Variants in PLA2G4A observed in about 807,000 individuals in gnomAD.
PLA2G4A encodes the protein cytosolic phospholipase A2.
In PLA2G4A, 40 loss-of-function variants were observed where a neutral mutation model predicts 81.9. The ratio of observed to expected loss-of-function variants is 0.49; its 90% CI spans 0.38 to 0.64. The LOEUF is 0.64. Among genes scored for constraint, PLA2G4A ranks in the 30% least tolerant of loss-of-function variants. The pLI is 0.00. For synonymous variants in PLA2G4A, 302 were observed against 296.9 expected, an observed-to-expected ratio of 1.02 and a Z score of -0.18; for missense variants, 715 against 905.1, an observed-to-expected ratio of 0.79 and a Z score of 2.69.
intron 2 of PLA2G4A, among the ~76,000 whole-genome samples, chr1:186,861,254 G>T (rs1652786825): frequency 6.6e-6 from 1 of 152,150 alleles, no homozygotes; most frequent in African/African-American, 2.4e-5. Context: ...AGTCTATGGA[G>T]ATTTTACTTT....
In PLA2G4A at chr1:186,977,604, T is replaced by C; in HGVS notation, c.1776T>C (p.Leu592=). The C allele has an allele frequency of 1.9e-6, 3 of 1,611,628 alleles. No homozygotes were observed. Among genetic ancestry groups the C allele is most frequent in the Non-Finnish European group, 2.5e-6 (3 of 1,177,732 alleles). Residue 592 remains leucine, a synonymous_variant, in exon 16 of 18, where the codon CTT becomes CTC. Coordinates refer to ENST00000367466, the MANE Select transcript of PLA2G4A (RefSeq NM_024420.3). ...CATCTTTCCCATAGGAACTTCTACT[T>C]GCAGAAAAGTGGGCTAAAATGAACA... ...DSSPPFKELL[L]AEKWAKMNKL...
At chr1:186,982,288 C>T (rs939887904) in intron 17 of PLA2G4A, among the ~76,000 whole-genome samples, 2 of 152,170 alleles carry the variant, frequency 1.3e-5, no homozygotes, top group African/African-American at 2.4e-5. Context: ...AGGTCATGGG[C>T]GTTATATCAT....
chr1:186,938,992 T>G lies in PLA2G4A; in HGVS notation c.696-16T>G. ...TGCTCTTTATCTTTACTGATTGTGT[T>G]TTGTTTTCTGTATAGGTATATGTCA... On this transcript the variant is annotated splice_polypyrimidine_tract_variant and intron_variant, in intron 8 of 17. Transcript: ENST00000367466. The G allele has an allele frequency of 7.7e-7, 1 of 1,306,818 alleles. No homozygotes were observed. The highest frequency in any genetic ancestry group is 1.1e-6 in the Non-Finnish European group (1 of 900,050). The allele number at this position is 1,306,818 out of a possible 1,614,324, so 81.0% of individuals were successfully genotyped here. A position where few individuals can be genotyped will look rare whatever the true frequency, so the allele number is the denominator to read the frequency against.
intron 8 of PLA2G4A, among the ~76,000 whole-genome samples, chr1:186,938,420 C>A (rs1656029792): frequency 1.3e-5 from 2 of 152,054 alleles, no homozygotes; most frequent in African/African-American, 4.8e-5. Context: ...GACTTTATTT[C>A]TCTTTAGGAT....
chr1:186,898,081 C>A (rs1166940649), intron 5 of PLA2G4A, among the ~76,000 whole-genome samples: 1 of 151,974 alleles, frequency 6.6e-6, no homozygotes, highest in Non-Finnish European at 1.5e-5. Context: ...GCCTTCTTCA[C>A]CCAAAAGCTT....
At chr1:186,958,941 G>A (rs1656850800) in intron 14 of PLA2G4A, among the ~76,000 whole-genome samples, 2 of 152,094 alleles carry the variant, frequency 1.3e-5, no homozygotes, top group African/African-American at 4.8e-5. Flanking sequence ...GCAGCATTTA[G>A]GATGTACACT....
At chr1:186,935,093 TA>T (rs551277648) in intron 8 of PLA2G4A, among the ~76,000 whole-genome samples, 75 of 151,950 alleles carry the variant, frequency 4.9e-4, no homozygotes, top group African/African-American at 1.7e-3. Context: ...GAGAATCAAG[TA>T]AAAGATGGTA....
chr1:186,855,707 T>G (rs2223305), intron 2 of PLA2G4A, among the ~76,000 whole-genome samples: 1 of 151,832 alleles, frequency 6.6e-6, no homozygotes, highest in African/African-American at 2.4e-5. Context: ...TTACATTGCC[T>G]TGTGGTTTTT....
At position 186,988,891 on chromosome 1, in the gene PLA2G4A, C is replaced by A. The variant is rs887575512; in HGVS notation, c.*383C>A. ...ATTATGTATGAATGTTATTCACTGA[C>A]TAGATTTATTCATACCATGAGACAA... is the stretch of plus-strand genomic sequence containing the variant. On this transcript the variant is annotated 3_prime_UTR_variant, in exon 18 of 18. Coordinates refer to ENST00000367466, the MANE Select transcript of PLA2G4A (RefSeq NM_024420.3). 3 of 174,602 alleles carry A rather than the reference C, an allele frequency of 1.7e-5. No individual in the cohort carries two copies. Among genetic ancestry groups the A allele is most frequent in the African/African-American group, 4.8e-5 (2 of 41,798 alleles). 10.8% of individuals were successfully genotyped at this position (174,602 alleles called of 1,614,324 possible).
intron 7 of PLA2G4A, among the ~76,000 whole-genome samples, chr1:186,917,720 C>T (rs1005181360): frequency 1.3e-5 from 2 of 152,150 alleles, no homozygotes; most frequent in African/African-American, 4.8e-5. Context: ...GGATAAGCCT[C>T]CACCCACCCA....
At chr1:186,903,693 C>T (rs1237405301) in intron 5 of PLA2G4A, among the ~76,000 whole-genome samples, 1 of 152,164 alleles carries the variant, frequency 6.6e-6, no homozygotes, top group Admixed American at 6.5e-5. Flanking sequence ...GTCACTGTCC[C>T]CCTTCACCCC....
intron 3 of PLA2G4A, among the ~76,000 whole-genome samples, chr1:186,872,261 G>C (rs1653300443): frequency 6.6e-6 from 1 of 151,826 alleles, no homozygotes; most frequent in Non-Finnish European, 1.5e-5. Context: ...CATTTTAAAT[G>C]AGAATTTACT....
At chr1:186,938,677 T>G (rs1417632830) in intron 8 of PLA2G4A, among the ~76,000 whole-genome samples, 3 of 152,134 alleles carry the variant, frequency 2.0e-5, no homozygotes, top group Admixed American at 6.6e-5. Flanking sequence ...TCAGATGTGC[T>G]CTGTCATCAA....
At chr1:186,897,000 C>T (rs1203380294) in intron 5 of PLA2G4A, among the ~76,000 whole-genome samples, 1 of 151,968 alleles carries the variant, frequency 6.6e-6, no homozygotes, top group African/African-American at 2.4e-5. Flanking sequence ...ACAGTGTTTA[C>T]AGAGGTTGTA....
chr1:186,925,528 CTT>C (rs1309051297), intron 7 of PLA2G4A, among the ~76,000 whole-genome samples: 1 of 152,186 alleles, frequency 6.6e-6, no homozygotes, highest in Non-Finnish European at 1.5e-5. Context: ...TCTACAGAAT[CTT>C]TCCCCGGTTG....
At chr1:186,841,639 C>T (rs1651984657) in intron 1 of PLA2G4A, among the ~76,000 whole-genome samples, 1 of 152,074 alleles carries the variant, frequency 6.6e-6, no homozygotes, top group Non-Finnish European at 1.5e-5. Flanking sequence ...TCCAAAATTT[C>T]TTGACCTTAA....
chr1:186,915,111 C>T (rs1245722788), intron 7 of PLA2G4A, among the ~76,000 whole-genome samples: 1 of 152,084 alleles, frequency 6.6e-6, no homozygotes, highest in Non-Finnish European at 1.5e-5. Context: ...AACATGGCCC[C>T]AGGATCAAAT....
At position 186,873,342 on chromosome 1, in the gene PLA2G4A, T is replaced by C. The variant is rs766868375; in HGVS notation, c.115+2826T>C. On this transcript the variant is annotated intron_variant, in intron 3 of 17. Transcript: ENST00000367466. ...TTTGTATATAGCAGTTCTTTAAACA[T>C]AGACAAGAATAGAACTATAAGAACT... Among the ~76,000 whole-genome samples, 67 of 152,050 alleles carry C rather than the reference T, an allele frequency of 4.4e-4. 1 individual carries two copies. Among genetic ancestry groups the C allele is most frequent in the South Asian group, 6.2e-4 (3 of 4,836 alleles).
intron 8 of PLA2G4A, 34 bp from the exon 9 acceptor site, chr1:186,938,974 T>G (rs758119169): frequency 1.8e-6 from 2 of 1,096,416 alleles, no homozygotes; most frequent in Non-Finnish European, 2.8e-6. Flanking sequence ...TAATGCTCTT[T>G]ATCTTTACTG....
Sources: gnomAD v4.1 joint callset for allele counts (sites outside exome capture counted in the v4.1 genomes callset) on GRCh38, gnomAD v4.1.1 for gene constraint, MANE v1.5 for transcripts, NCBI Gene and HGNC (gene_info 2026-07-23, HGNC 2026-07-21) for gene names.